ESR2: variants seen among roughly 807,000 people sequenced by gnomAD.
The protein encoded by ESR2 is estrogen receptor beta.
A neutral mutation model predicts 49.6 loss-of-function variants in ESR2; 36 were observed. The ratio of observed to expected loss-of-function variants is 0.73; its 90% CI spans 0.56 to 0.96. The LOEUF is 0.96. ESR2 is among the 40% of genes least tolerant of loss of function. The probability of loss-of-function intolerance (pLI) is 0.00; values close to 1 mark genes in which losing one functional copy is unlikely to be tolerated. For missense variants in ESR2, 714 were observed against 693.0 expected, an observed-to-expected ratio of 1.03 and a Z score of -0.34; for synonymous variants, 320 against 266.1, an observed-to-expected ratio of 1.20 and a Z score of -1.97.
chr14:64,309,977 TC>T (rs1476547278), intron 1 of ESR2, among the ~76,000 whole-genome samples: 3 of 152,120 alleles, frequency 2.0e-5, no homozygotes, highest in African/African-American at 7.2e-5. Flanking sequence ...TCCCAGCTAC[TC>T]GGGAGGCTGA....
chr14:64,242,529 T>A (rs1369072025), intron 7 of ESR2, among the ~76,000 whole-genome samples: 4 of 151,648 alleles, frequency 2.6e-5, no homozygotes, highest in Non-Finnish European at 5.9e-5. Flanking sequence ...TTTCAAATGT[T>A]AAAGAAACCT....
At chr14:64,244,017 A>G (rs924709966) in intron 7 of ESR2, among the ~76,000 whole-genome samples, 3 of 152,126 alleles carry the variant, frequency 2.0e-5, no homozygotes, top group Non-Finnish European at 4.4e-5. Flanking sequence ...TGTCAACTTG[A>G]CTGGATAAAG....
At chr14:64,292,669 C>A (rs1482345604) in intron 1 of ESR2, among the ~76,000 whole-genome samples, 2 of 152,174 alleles carry the variant, frequency 1.3e-5, no homozygotes, top group African/African-American at 2.4e-5. Context: ...CGACTCAAAG[C>A]ATCACCTAAA....
chr14:64,312,310 A>G (rs2077196109), intron 1 of ESR2, among the ~76,000 whole-genome samples: 1 of 152,342 alleles, frequency 6.6e-6, no homozygotes, highest in East Asian at 1.9e-4. Flanking sequence ...CAGAAATTTA[A>G]AAAACAGAGA....
chr14:64,238,574 T>G (rs1467756363), intron 7 of ESR2, among the ~76,000 whole-genome samples: 1 of 152,080 alleles, frequency 6.6e-6, no homozygotes, highest in Admixed American at 6.5e-5. Flanking sequence ...ACAGAGTACT[T>G]GCTAAGTGGC....
chr14:64,268,788 C>CA lies in ESR2; in HGVS notation c.652+6dup. Reference sequence around the variant, plus strand: ...CATATTCAATAAGAAGGGAAGCAAGCACTCACCACACTTCACCATTCCCAC... The same window carrying CA: ...CATATTCAATAAGAAGGGAAGCAAGCAACTCACCACACTTCACCATTCCCAC... On this transcript the variant is annotated splice_region_variant and intron_variant, in intron 4 of 8. Transcript: ENST00000341099. 6.5e-7 allele frequency: 1 copy of CA among 1,549,928 alleles called. No homozygotes were observed. The highest frequency in any genetic ancestry group is 1.4e-5 in the African/African-American group (1 of 73,764).
intron 1 of ESR2, among the ~76,000 whole-genome samples, chr14:64,321,378 C>A (rs1017530617): frequency 6.6e-6 from 1 of 151,478 alleles, no homozygotes; most frequent in Non-Finnish European, 1.5e-5. Context: ...GGCATTTGCA[C>A]AACTTTATTA....
chr14:64,242,930 C>A (rs760746115), intron 7 of ESR2, among the ~76,000 whole-genome samples: 1 of 152,158 alleles, frequency 6.6e-6, no homozygotes, highest in African/African-American at 2.4e-5. Context: ...TCTCATGTGG[C>A]GGCAGACAAG....
chr14:64,314,423 T>A (rs1224162539), intron 1 of ESR2, among the ~76,000 whole-genome samples: 2 of 148,402 alleles, frequency 1.3e-5, no homozygotes, highest in Admixed American at 6.7e-5. Flanking sequence ...CTCAAATTAA[T>A]AATCTATGCT....
chr14:64,299,064 T>C (rs1446136570), upstream of ESR2, among the ~76,000 whole-genome samples: 1 of 151,470 alleles, frequency 6.6e-6, no homozygotes, highest in Non-Finnish European at 1.5e-5. Context: ...CACAAATGAC[T>C]CAAATGCAAT....
At chr14:64,249,467 CATTCTTCTTA>C in intron 7 of ESR2, 69 bp downstream of exon 7, 1 of 1,474,310 alleles carries the variant, frequency 6.8e-7, no homozygotes, top group South Asian at 1.3e-5. Flanking sequence ...AGAAGTTCAA[CATTCTTCTTA>C]ATATCACGCT....
chr14:64,279,266 T>A (rs1457278772), intron 3 of ESR2, among the ~76,000 whole-genome samples: 1 of 152,218 alleles, frequency 6.6e-6, no homozygotes, highest in Non-Finnish European at 1.5e-5. Flanking sequence ...CCTGACCACC[T>A]TGGGCACATG....
chr14:64,256,317 A>T (rs948562652), intron 6 of ESR2, among the ~76,000 whole-genome samples: 2 of 152,244 alleles, frequency 1.3e-5, no homozygotes, highest in African/African-American at 4.8e-5. Flanking sequence ...TTTAAAAGAA[A>T]ATCAAACACA....
intron 7 of ESR2, among the ~76,000 whole-genome samples, chr14:64,241,473 T>G (rs959892849): frequency 6.6e-6 from 1 of 152,234 alleles, no homozygotes; most frequent in African/African-American, 2.4e-5. Flanking sequence ...AGAATCAGCT[T>G]ATCAATTTCT....
intron 1 of ESR2, among the ~76,000 whole-genome samples, chr14:64,315,648 G>A (rs1001695215): frequency 8.0e-6 from 1 of 125,390 alleles, no homozygotes; most frequent in African/African-American, 3.0e-5. Context: ...CTAATTTTTT[G>A]TATTTTTTGT....
At chr14:64,312,977 G>C (rs910379133) in intron 1 of ESR2, among the ~76,000 whole-genome samples, 6 of 152,162 alleles carry the variant, frequency 3.9e-5, no homozygotes, top group African/African-American at 1.4e-4. Flanking sequence ...GGATTTAAAA[G>C]ATGTTTAACT....
chr14:64,240,389 C>G (rs190832962), intron 7 of ESR2, among the ~76,000 whole-genome samples: 7 of 152,216 alleles, frequency 4.6e-5, no homozygotes, highest in African/African-American at 7.2e-5. Context: ...GAGACCTACC[C>G]CCATTTCTCC....
At chr14:64,239,649 T>C (rs140101041) in intron 7 of ESR2, among the ~76,000 whole-genome samples, 2 of 152,308 alleles carry the variant, frequency 1.3e-5, no homozygotes, top group Non-Finnish European at 2.9e-5. Context: ...GCTATTTTAT[T>C]AACTATGACA....
chr14:64,227,742 T>G, downstream of ESR2: 2 of 1,553,676 alleles, frequency 1.3e-6, no homozygotes, highest in Non-Finnish European at 1.7e-6. Context: ...GCTGGTTTGC[T>G]CCCCATCTCC....
Sources: allele counts gnomAD v4.1 joint callset (sites outside exome capture counted in the v4.1 genomes callset), GRCh38; gene constraint gnomAD v4.1.1; transcripts MANE v1.5; gene names NCBI Gene and HGNC (gene_info 2026-07-23, HGNC 2026-07-21).